The following GRM1 variants were observed in gnomAD, a reference collection of about 807,000 sequenced individuals.
GRM1 encodes glutamate metabotropic receptor 1.
Under a neutral mutation model 90.9 loss-of-function variants are expected in GRM1, and 33 were observed. That is an observed-to-expected ratio of 0.36 (90% CI 0.28 to 0.49). The LOEUF (loss-of-function observed/expected upper bound fraction) is 0.49. Ranked by LOEUF, GRM1 falls within the 20% of genes least tolerant of loss-of-function variation. The pLI is 0.99. For synonymous variants in GRM1, 700 were observed against 613.2 expected (o/e 1.14, Z -2.09); for missense variants, 1,190 against 1,534.3 (o/e 0.78, Z 3.75).
intron 1 of GRM1, among the ~76,000 whole-genome samples, chr6:146,139,181 A>G (rs1003582494): frequency 2.6e-5 from 4 of 152,146 alleles, no homozygotes; most frequent in Non-Finnish European, 5.9e-5. Context: ...CAAAGAAGAT[A>G]CTTTTTACAA....
intron 7 of GRM1, among the ~76,000 whole-genome samples, chr6:146,421,243 G>T (rs1649246254): frequency 6.6e-6 from 1 of 152,046 alleles, no homozygotes; most frequent in African/African-American, 2.4e-5. Context: ...ATAGCAAAAT[G>T]TAGGAAAAAA....
chr6:146,260,826 T>G lies in GRM1; in HGVS notation c.951-43785T>G, dbSNP rs1287629253. On this transcript the variant is annotated intron_variant, in intron 2 of 7. Coordinates refer to ENST00000282753, the MANE Select transcript of GRM1 (RefSeq NM_001278064.2). ...TGGGTTTTTTTTTTTTTTTTTTTTT[T>G]TTTTTTTTTTTGCAATTGAGGTGTA... is the stretch of plus-strand genomic sequence containing the variant. Among the ~76,000 whole-genome samples the G allele has an allele frequency of 3.5e-5, 5 of 141,390 alleles. No homozygotes were observed. In the South Asian group the frequency reaches 6.9e-4, roughly 20 times the overall value. The allele number at this position is 141,390 out of a possible 152,430, so 92.8% of individuals were successfully genotyped here.
At chr6:146,146,115 T>C in intron 1 of GRM1, among the ~76,000 whole-genome samples, 1 of 98,628 alleles carries the variant, frequency 1.0e-5, no homozygotes, top group East Asian at 3.0e-4. Context: ...TTTTTTTTTT[T>C]TTTTTTTTTT....
intron 2 of GRM1, among the ~76,000 whole-genome samples, chr6:146,298,413 T>C (rs1583291792): frequency 6.6e-6 from 1 of 152,182 alleles, no homozygotes; most frequent in East Asian, 1.9e-4. Flanking sequence ...GTAACGAGGC[T>C]GAGCCTATTG....
At chr6:146,226,241 G>A (rs1479363052) in intron 2 of GRM1, among the ~76,000 whole-genome samples, 2 of 152,146 alleles carry the variant, frequency 1.3e-5, no homozygotes, top group Non-Finnish European at 2.9e-5. Flanking sequence ...GGGAGTTGCT[G>A]TCTCTTCCTA....
chr6:146,392,298 A>G (rs1356288446), intron 6 of GRM1, among the ~76,000 whole-genome samples: 1 of 152,116 alleles, frequency 6.6e-6, no homozygotes, highest in Non-Finnish European at 1.5e-5. Flanking sequence ...CCACAGTTAA[A>G]GTCTATCCAT....
chr6:146,378,587 A>G (rs983487983), intron 5 of GRM1, among the ~76,000 whole-genome samples: 2 of 152,172 alleles, frequency 1.3e-5, no homozygotes, highest in Non-Finnish European at 2.9e-5. Flanking sequence ...AATAGAGGTT[A>G]TTTACCCAAT....
chr6:146,234,269 G>T (rs1780552919), intron 2 of GRM1, among the ~76,000 whole-genome samples: 1 of 151,900 alleles, frequency 6.6e-6, no homozygotes. Flanking sequence ...CAGCATACAA[G>T]TGTATCTTCC....
chr6:146,230,401 CAT>C (rs2114701754), intron 2 of GRM1, among the ~76,000 whole-genome samples: 1 of 152,162 alleles, frequency 6.6e-6, no homozygotes, highest in Non-Finnish European at 1.5e-5. Flanking sequence ...GGCAAATAAT[CAT>C]ATGAAAAGAT....
At chr6:146,336,692 G>A (rs1251876394) in intron 3 of GRM1, among the ~76,000 whole-genome samples, 3 of 152,100 alleles carry the variant, frequency 2.0e-5, no homozygotes, top group South Asian at 2.1e-4. Flanking sequence ...TTTGCTCCTC[G>A]CCTTGACCTC....
intron 1 of GRM1, among the ~76,000 whole-genome samples, chr6:146,099,492 A>C (rs1437690970): frequency 2.0e-5 from 3 of 152,224 alleles, no homozygotes; most frequent in Non-Finnish European, 4.4e-5. Flanking sequence ...AAGCACAAGC[A>C]TCTCCCTGAT....
chr6:146,065,728 A>G (rs1775823258), intron 1 of GRM1, among the ~76,000 whole-genome samples: 1 of 152,246 alleles, frequency 6.6e-6, no homozygotes, highest in South Asian at 2.1e-4. Context: ...GGAATTGTCC[A>G]GATAGGAGAA....
At chr6:146,391,506 C>T (rs1426801959) in intron 6 of GRM1, among the ~76,000 whole-genome samples, 1 of 151,964 alleles carries the variant, frequency 6.6e-6, no homozygotes, top group Non-Finnish European at 1.5e-5. Flanking sequence ...AGGTAGTCTC[C>T]CCTCTTTCTA....
intron 2 of GRM1, among the ~76,000 whole-genome samples, chr6:146,163,691 T>C (rs972790719): frequency 2.0e-5 from 3 of 152,214 alleles, no homozygotes; most frequent in Admixed American, 2.0e-4. Flanking sequence ...GCATTAATCT[T>C]AGTTTCCTTT....
chr6:146,402,308 A>G (rs930075702), intron 7 of GRM1, among the ~76,000 whole-genome samples: 3 of 152,130 alleles, frequency 2.0e-5, no homozygotes, highest in Non-Finnish European at 2.9e-5. Context: ...ACGGAAAACA[A>G]TCATCTGTTT....
At position 146,434,639 on chromosome 6, in the gene GRM1, C is replaced by T. The variant is rs745881707; in HGVS notation, c.3428C>T (p.Pro1143Leu). 9 of 1,611,078 alleles carry T rather than the reference C, an allele frequency of 5.6e-6. No individual in the cohort carries two copies. The East Asian group carries it at 1.8e-4, about 32-fold the overall frequency. ...AGCAAACTGACCCCGGATGATTCGC[C>T]TGCGCTGACGCCTCCGTCGCCTTTC... ...AASKLTPDDSPALTPPSPFRD... is the reference protein window; with the variant it reads ...AASKLTPDDSLALTPPSPFRD... The change falls in exon 8 of 8, where the codon CCT becomes CTT. Residue 1143 changes from proline to leucine, a missense_variant. Transcript: ENST00000282753.
intron 2 of GRM1, among the ~76,000 whole-genome samples, chr6:146,298,408 G>A (rs1019740771): frequency 2.6e-5 from 4 of 152,118 alleles, no homozygotes; most frequent in South Asian, 2.1e-4. Flanking sequence ...TTTTAGTAAC[G>A]AGGCTGAGCC....
intron 1 of GRM1, among the ~76,000 whole-genome samples, chr6:146,133,610 T>G (rs747575432): frequency 7.2e-5 from 11 of 152,224 alleles, no homozygotes; most frequent in Non-Finnish European, 1.6e-4. Flanking sequence ...CAAAATGTGC[T>G]GTGAAGATTT....
chr6:146,041,833 G>A (rs976888364), intron 1 of GRM1, among the ~76,000 whole-genome samples: 4 of 151,906 alleles, frequency 2.6e-5, no homozygotes, highest in African/African-American at 9.7e-5. Flanking sequence ...CACCATTTTG[G>A]TGATGTCATA....
Sources: gnomAD v4.1 joint callset for allele counts (sites outside exome capture counted in the v4.1 genomes callset) on GRCh38, gnomAD v4.1.1 for gene constraint, MANE v1.5 for transcripts, NCBI Gene and HGNC (gene_info 2026-07-23, HGNC 2026-07-21) for gene names.